SYNPR: variants seen among roughly 807,000 people sequenced by gnomAD.
SYNPR encodes the protein synaptoporin.
Under a neutral mutation model 32.9 loss-of-function variants are expected in SYNPR, and 23 were observed. The ratio of observed to expected loss-of-function variants is 0.70; its 90% confidence interval spans 0.50 to 0.99. SYNPR has a LOEUF of 0.99. Among genes scored for constraint, SYNPR ranks in the 50% least tolerant of loss-of-function variants. The probability of loss-of-function intolerance (pLI) is 0.00; values close to 1 mark genes in which losing one functional copy is unlikely to be tolerated. For synonymous variants in SYNPR, 146 were observed against 135.9 expected (o/e 1.07, Z -0.52); for missense variants, 318 against 349.3 (o/e 0.91, Z 0.71).
intron 2 of SYNPR, among the ~76,000 whole-genome samples, chr3:63,392,765 T>C (rs1163462955): frequency 6.6e-6 from 1 of 152,178 alleles, no homozygotes; most frequent in African/African-American, 2.4e-5. Context: ...AGACACATTT[T>C]CTTTTTTATT....
intron 2 of SYNPR, among the ~76,000 whole-genome samples, chr3:63,283,971 G>C (rs1423307324): frequency 6.6e-6 from 1 of 151,288 alleles, no homozygotes; most frequent in African/African-American, 2.4e-5. Flanking sequence ...ACCACGCCTG[G>C]CTAATTTTTT....
rs192938672 is a variant in SYNPR at position 63,466,993 on chromosome 3, T to C, written c.85-13839T>C. ...TTCTTCATTATTAGCTGAATACTTTTATTTATTTATTTATTCATTTGTTTA... is the reference window on the plus strand; with the variant it reads ...TTCTTCATTATTAGCTGAATACTTTCATTTATTTATTTATTCATTTGTTTA... On this transcript the variant is annotated intron_variant, in intron 2 of 5. Coordinates refer to ENST00000478300, the MANE Select transcript of SYNPR (RefSeq NM_001130003.2). Among the ~76,000 whole-genome samples the C allele has an allele frequency of 9.5e-4, 144 of 152,208 alleles. 1 individual carries two copies. Among genetic ancestry groups the C allele is most frequent in the African/African-American group, 3.2e-3 (134 of 41,532 alleles).
chr3:63,371,354 C>A (rs917377051), intron 2 of SYNPR, among the ~76,000 whole-genome samples: 10 of 152,122 alleles, frequency 6.6e-5, no homozygotes, highest in Non-Finnish European at 1.3e-4. Flanking sequence ...GCATTAGCCA[C>A]TGCAGCTCTG....
At chr3:63,405,240 A>C (rs1045503207) in intron 2 of SYNPR, among the ~76,000 whole-genome samples, 2 of 152,206 alleles carry the variant, frequency 1.3e-5, no homozygotes, top group Non-Finnish European at 2.9e-5. Context: ...TTCAGAATTC[A>C]ATGGGAAAAT....
At chr3:63,588,429 C>G (rs1703231696) in intron 4 of SYNPR, among the ~76,000 whole-genome samples, 1 of 151,928 alleles carries the variant, frequency 6.6e-6, no homozygotes. Context: ...ATTTATAATG[C>G]CCAGATGTTT....
the SYNPR span, among the ~76,000 whole-genome samples, chr3:63,221,101 A>G: frequency 1.3e-5 from 2 of 152,316 alleles, no homozygotes; most frequent in African/African-American, 2.4e-5. Context: ...AAGAATTTGG[A>G]TATGAACATC....
chr3:63,613,509 A>C (rs1197142518), intron 5 of SYNPR, among the ~76,000 whole-genome samples: 1 of 147,528 alleles, frequency 6.8e-6, no homozygotes, highest in African/African-American at 2.5e-5. Flanking sequence ...TGTACAAACC[A>C]GTCTTTAATT....
At chr3:63,412,775 G>A (rs1454971372) in intron 2 of SYNPR, among the ~76,000 whole-genome samples, 1 of 152,126 alleles carries the variant, frequency 6.6e-6, no homozygotes, top group African/African-American at 2.4e-5. Flanking sequence ...TAGGCAGAAG[G>A]CTGGGATCAG....
chr3:63,368,367 A>T (rs767711718), intron 2 of SYNPR, among the ~76,000 whole-genome samples: 57 of 152,274 alleles, frequency 3.7e-4, no homozygotes, highest in Admixed American at 1.0e-3. Flanking sequence ...AAAGGGCGCT[A>T]GTTTGAATGA....
At chr3:63,435,181 G>C (rs1262564767) in intron 2 of SYNPR, among the ~76,000 whole-genome samples, 1 of 152,198 alleles carries the variant, frequency 6.6e-6, no homozygotes, top group Non-Finnish European at 1.5e-5. Context: ...TTTGGAAACA[G>C]ACAACCCAGG....
Position 63,248,304 on chromosome 3 carries a change from C to T in SYNPR, n.67-4195C>T, listed in dbSNP as rs534012090. The stretch of plus-strand genomic sequence containing the variant: ...AAAATAGGACTTGCAATAAATACCT[C>T]GCAGTATTGCCTGGCACTTGGTATG... On this transcript the variant is annotated intron_variant and non_coding_transcript_variant, in intron 1 of 4. Transcript: ENST00000478456. Among the ~76,000 whole-genome samples, 22 of 152,202 alleles carry T rather than the reference C, an allele frequency of 1.4e-4. No individual in the cohort carries two copies. The East Asian group carries it at 2.9e-3, about 20-fold the overall frequency.
intron 2 of SYNPR, among the ~76,000 whole-genome samples, chr3:63,474,192 C>A (rs1015351712): frequency 4.6e-5 from 7 of 152,154 alleles, no homozygotes; most frequent in Non-Finnish European, 1.0e-4. Context: ...GGAGATTTTA[C>A]CCACCAATTT....
intron 2 of SYNPR, among the ~76,000 whole-genome samples, chr3:63,330,713 AATT>A (rs2087218587): frequency 6.6e-6 from 1 of 152,076 alleles, no homozygotes; most frequent in South Asian, 2.1e-4. Context: ...ATAAAAGAGG[AATT>A]ATTATTATTG....
chr3:63,431,278 C>T (rs1260612362), intron 2 of SYNPR, among the ~76,000 whole-genome samples: 3 of 152,134 alleles, frequency 2.0e-5, no homozygotes, highest in Admixed American at 6.5e-5. Flanking sequence ...CATTGAATGA[C>T]CTAGCAGAAT....
chr3:63,458,632 G>T (rs1700527022), intron 2 of SYNPR, among the ~76,000 whole-genome samples: 1 of 152,076 alleles, frequency 6.6e-6, no homozygotes, highest in African/African-American at 2.4e-5. Context: ...CAAGTCACAA[G>T]CCCATCCCAG....
In SYNPR at chr3:63,399,603, A is replaced by G. The variant is rs181473344; in HGVS notation, c.85-81229A>G. Among the ~76,000 whole-genome samples, 495 of 152,142 alleles carry G rather than the reference A, an allele frequency of 3.3e-3. 3 individuals carry two copies. Among genetic ancestry groups the G allele is most frequent in the Admixed American group, 7.3e-3 (112 of 15,292 alleles). The stretch of plus-strand genomic sequence containing the variant: ...ATCACACTCATAAGGGTCCTCTCTC[A>G]TGACAAAATCACCTCCCAAAAGGGA... On this transcript the variant is annotated intron_variant, in intron 2 of 5. Transcript: ENST00000478300.
intron 2 of SYNPR, among the ~76,000 whole-genome samples, chr3:63,316,539 C>T (rs1273655030): frequency 6.6e-6 from 1 of 151,670 alleles, no homozygotes; most frequent in Non-Finnish European, 1.5e-5. Flanking sequence ...TTCATAGTGG[C>T]CTTGAATGAT....
chr3:63,465,640 G>A (rs1700663910), intron 2 of SYNPR, among the ~76,000 whole-genome samples: 2 of 152,012 alleles, frequency 1.3e-5, no homozygotes, highest in Non-Finnish European at 2.9e-5. Flanking sequence ...AGGCAATGTT[G>A]TTCCTTTTAT....
chr3:63,278,291 C>G (rs1458125518), upstream of SYNPR: 1 of 560,614 alleles, frequency 1.8e-6, no homozygotes, highest in Admixed American at 3.2e-5. Flanking sequence ...CTACCCTGCC[C>G]CAGCTCTTCC....
Sources: allele counts gnomAD v4.1 joint callset (sites outside exome capture counted in the v4.1 genomes callset), GRCh38; gene constraint gnomAD v4.1.1; transcripts MANE v1.5; gene names NCBI Gene and HGNC (gene_info 2026-07-23, HGNC 2026-07-21).